The following PRKN variants were observed in gnomAD, a reference collection of about 807,000 sequenced individuals.
PRKN encodes E3 ubiquitin-protein ligase parkin.
In PRKN, 56 loss-of-function variants were observed where a neutral mutation model predicts 59.5. That is an observed-to-expected ratio of 0.94 (90% CI 0.76 to 1.18). PRKN has a LOEUF of 1.18. PRKN is among the 50% of genes most tolerant of loss of function. The pLI is 0.00. For synonymous variants in PRKN, 250 were observed against 222.1 expected (o/e 1.13, Z -1.12); for missense variants, 657 against 596.4 (o/e 1.10, Z -1.06).
In PRKN at chr6:162,532,371, T is replaced by C. The variant is rs116656132; in HGVS notation, c.8-88898A>G. Among the ~76,000 whole-genome samples, 1,401 of 152,380 alleles carry C rather than the reference T, an allele frequency of 9.2e-3. 18 individuals carry two copies. The highest frequency in any genetic ancestry group is 0.032 in the African/African-American group (1,321 of 41,594). On this transcript the variant is annotated intron_variant, in intron 1 of 11. Transcript: ENST00000366898. ...GGAGACGTGAGCACACATCTCATAG[T>C]GCACATCGTTACACATCCCCCCAGG...
At chr6:162,246,722 GA>G (rs1453715358) in intron 3 of PRKN, among the ~76,000 whole-genome samples, 2 of 152,130 alleles carry the variant, frequency 1.3e-5, no homozygotes, top group Non-Finnish European at 2.9e-5. Context: ...GGTTTCCCAG[GA>G]AAAGCGTACT....
chr6:161,481,506 A>G (rs1269052314), intron 9 of PRKN, among the ~76,000 whole-genome samples: 2 of 152,228 alleles, frequency 1.3e-5, no homozygotes, highest in Admixed American at 1.3e-4. Flanking sequence ...CCGGAGGCTG[A>G]GGCAGGAGGA....
chr6:162,498,184 T>C (rs1793157896), intron 1 of PRKN, among the ~76,000 whole-genome samples: 1 of 152,080 alleles, frequency 6.6e-6, no homozygotes, highest in Non-Finnish European at 1.5e-5. Flanking sequence ...TTGTGCTTAT[T>C]GCTACTTACT....
At chr6:162,614,308 G>C (rs942494584) in intron 1 of PRKN, among the ~76,000 whole-genome samples, 2 of 152,126 alleles carry the variant, frequency 1.3e-5, no homozygotes, top group African/African-American at 4.8e-5. Flanking sequence ...TAAGTCATGA[G>C]GGGGAAGTTT....
Position 161,977,542 on chromosome 6 carries a change from G to GTTTT in PRKN, c.619-4129_619-4126dup, listed in dbSNP as rs1554256833. Among the ~76,000 whole-genome samples the GTTTT allele has an allele frequency of 1.7e-3, 175 of 104,490 alleles. 10 individuals are homozygous for GTTTT. Among genetic ancestry groups the GTTTT allele is most frequent in the African/African-American group, 3.3e-3 (88 of 26,928 alleles). The allele number at this position is 104,490 out of a possible 152,430, so 68.5% of individuals were successfully genotyped here. ...ATCTTCTCTACTTTCTGTTTTTTTG[G>GTTTT]TTTTTTTTTTTTTTTTTTTTTTTAA... On this transcript the variant is annotated intron_variant, in intron 5 of 11. Transcript: ENST00000366898.
intron 5 of PRKN, among the ~76,000 whole-genome samples, chr6:162,012,088 G>GT (rs1782749923): frequency 6.6e-6 from 1 of 152,058 alleles, no homozygotes; most frequent in African/African-American, 2.4e-5. Flanking sequence ...TACCATGTGG[G>GT]TACTTTCCTT....
chr6:162,319,818 G>T (rs1462127508), intron 2 of PRKN, among the ~76,000 whole-genome samples: 1 of 151,888 alleles, frequency 6.6e-6, no homozygotes, highest in African/African-American at 2.4e-5. Flanking sequence ...AAAATTCATT[G>T]TAAATAATTC....
At chr6:161,848,392 T>C (rs977478528) in intron 6 of PRKN, among the ~76,000 whole-genome samples, 3 of 152,196 alleles carry the variant, frequency 2.0e-5, no homozygotes, top group Admixed American at 2.0e-4. Flanking sequence ...TATCATATAA[T>C]GCATTTTCTT....
At position 161,461,795 on chromosome 6, in the gene PRKN, A is replaced by G. The variant is rs1790236960; in HGVS notation, c.1084-74918T>C. On this transcript the variant is annotated intron_variant, in intron 9 of 11. Transcript: ENST00000366898. This position sits in a 1 kb window ranked among gnomAD's most constrained non-coding sequence, Gnocchi z 5.1. ...TTCCAAATGGAGGTATCCAGTAGGC[A>G]ATGTGAAGTATAATCCAGGAGCTCT... 6.6e-6 allele frequency among the ~76,000 whole-genome samples: 1 copy of G among 152,180 alleles called. No homozygotes were observed. Among genetic ancestry groups the G allele is most frequent in the Admixed American group, 6.5e-5 (1 of 15,272 alleles).
At chr6:162,122,888 A>G (rs1274986465) in intron 4 of PRKN, among the ~76,000 whole-genome samples, 1 of 152,010 alleles carries the variant, frequency 6.6e-6, no homozygotes, top group Non-Finnish European at 1.5e-5. Flanking sequence ...TTTCACTACT[A>G]TATCTAATAA....
At chr6:162,552,391 G>A (rs763920786) in intron 1 of PRKN, among the ~76,000 whole-genome samples, 10 of 152,126 alleles carry the variant, frequency 6.6e-5, no homozygotes, top group African/African-American at 2.4e-4. Context: ...GCAAGGTGCC[G>A]GCAGGTTATC....
intron 6 of PRKN, among the ~76,000 whole-genome samples, chr6:161,853,779 T>C (rs1213317757): frequency 2.0e-5 from 3 of 152,162 alleles, no homozygotes; most frequent in African/African-American, 4.8e-5. Context: ...AGAGAAGGCA[T>C]GGGGCTGTGG....
At chr6:161,415,845 C>G (rs1158589696) in intron 9 of PRKN, among the ~76,000 whole-genome samples, 1 of 151,942 alleles carries the variant, frequency 6.6e-6, no homozygotes, top group Non-Finnish European at 1.5e-5. Context: ...GTCCCTCTCT[C>G]CCCACAGTGT....
intron 9 of PRKN, among the ~76,000 whole-genome samples, chr6:161,481,361 T>C (rs528261699): frequency 5.9e-5 from 9 of 152,112 alleles, no homozygotes. Flanking sequence ...TCCCAGAACT[T>C]TGGGAGGCAG....
intron 2 of PRKN, among the ~76,000 whole-genome samples, chr6:162,304,582 C>T (rs1275922553): frequency 6.7e-6 from 1 of 149,836 alleles, no homozygotes; most frequent in South Asian, 2.1e-4. Context: ...TATCCATCTA[C>T]CTGTCTATCT....
At chr6:162,179,138 T>C (rs889303469) in intron 4 of PRKN, among the ~76,000 whole-genome samples, 1 of 152,200 alleles carries the variant, frequency 6.6e-6, no homozygotes, top group East Asian at 1.9e-4. Flanking sequence ...CCTCGGCCTC[T>C]CGAAGTGCTG....
intron 7 of PRKN, among the ~76,000 whole-genome samples, chr6:161,744,736 C>T (rs1254242149): frequency 2.6e-5 from 4 of 152,278 alleles, no homozygotes; most frequent in South Asian, 2.1e-4. Flanking sequence ...GTTCCATTAA[C>T]GTTTTGTCAA....
At chr6:161,788,483 GAGTGAAGTGTATCTTCCTAGGGACAC>G (rs1790511821) in intron 6 of PRKN, among the ~76,000 whole-genome samples, 1 of 152,192 alleles carries the variant, frequency 6.6e-6, no homozygotes, top group Admixed American at 6.5e-5. Context: ...GGTTCCCACA[GAGTGAAGTGTATCTTCCTAGGGACAC>G]AGGAAGAGTC....
chr6:161,901,170 A>C (rs1048656706), intron 6 of PRKN, among the ~76,000 whole-genome samples: 11 of 152,030 alleles, frequency 7.2e-5, no homozygotes, highest in Non-Finnish European at 1.6e-4. Context: ...TCCTGACCTC[A>C]GGTGATCCAC....
Sources: allele counts gnomAD v4.1 joint callset (sites outside exome capture counted in the v4.1 genomes callset), GRCh38; gene constraint gnomAD v4.1.1; non-coding constraint Gnocchi (gnomAD v3.1); transcripts MANE v1.5; gene names NCBI Gene and HGNC (gene_info 2026-07-23, HGNC 2026-07-21).